Variants in NEB observed in about 807,000 individuals in gnomAD.
NEB encodes nemaline myopathy type 2.
A neutral mutation model predicts 952.2 loss-of-function variants in NEB; 512 were observed. That is an observed-to-expected ratio of 0.54 (90% CI 0.50 to 0.58). The LOEUF is 0.58. Among genes scored for constraint, NEB ranks in the 20% least tolerant of loss-of-function variants. NEB has a pLI of 0.00. For missense variants in NEB, 8,428 were observed against 9,231.1 expected (o/e 0.91, Z 3.56); for synonymous variants, 2,900 against 3,149.8 (o/e 0.92, Z 2.66).
In NEB at chr2:151,629,640, AT is replaced by A. The variant is rs757431297; in HGVS notation, c.9729del (p.Tyr3244ThrfsTer60). 1 of 1,613,202 alleles carries A rather than the reference AT, an allele frequency of 6.2e-7. No homozygotes were observed. Among genetic ancestry groups the A allele is most frequent in the South Asian group, 1.1e-5 (1 of 91,074 alleles). ...RQNKINYSET[L>X]YKLANEEAKK... ...TTTGCTTCTTCATTGGCAAGTTTGTATAGAGTCTATGAAAAGAAAGGCAAAG... is the reference window on the plus strand; with the variant it reads ...TTTGCTTCTTCATTGGCAAGTTTGTAAGAGTCTATGAAAAGAAAGGCAAAG... On this transcript the variant is annotated frameshift_variant, in exon 68 of 182. Coordinates refer to ENST00000397345, the MANE Select transcript of NEB (RefSeq NM_001164508.2). LOFTEE classifies it high-confidence loss of function.
chr2:151,525,130 G>A, intron 151 of NEB, 33 bp downstream of exon 151: 1 of 1,456,748 alleles, frequency 6.9e-7, no homozygotes, highest in South Asian at 1.1e-5. Context: ...TGCTTCAAAT[G>A]GGCCCCCAAG....
rs117356356 is a variant in NEB, at chr2:151,728,064, C to T, written c.79-158G>A. Reference sequence around the variant, plus strand: ...AAAGCAGGAAATGGCACACTGTAGCCGTATGAAGGCACATTATGTACACAA... The same window carrying T: ...AAAGCAGGAAATGGCACACTGTAGCTGTATGAAGGCACATTATGTACACAA... On this transcript the variant is annotated intron_variant, in intron 4 of 181. Coordinates refer to ENST00000397345, the MANE Select transcript of NEB (RefSeq NM_001164508.2). 3.8e-3 allele frequency among the ~76,000 whole-genome samples: 576 copies of T among 152,166 alleles called. 10 individuals are homozygous for T. In the East Asian group the frequency reaches 0.057, roughly 15 times the overall value.
At chr2:151,696,860 T>C (rs1352983952) in intron 16 of NEB, 125 bp from the exon 17 acceptor site, 1 of 710,262 alleles carries the variant, frequency 1.4e-6, no homozygotes, top group African/African-American at 1.8e-5. Context: ...TAAAATATAT[T>C]TTTTTCTAAC....
Position 151,618,584 on chromosome 2 carries a change from G to A in NEB, c.10873-106C>T, listed in dbSNP as rs571049718. 2,685 of 1,110,822 alleles carry A rather than the reference G, an allele frequency of 2.4e-3. 10 individuals carry two copies. Among genetic ancestry groups the A allele is most frequent in the South Asian group, 3.9e-3 (271 of 69,802 alleles). 68.8% of individuals were successfully genotyped at this position (1,110,822 alleles called of 1,614,324 possible). On this transcript the variant is annotated intron_variant, in intron 73 of 181. Coordinates refer to ENST00000397345, the MANE Select transcript of NEB (RefSeq NM_001164508.2). ...CACAAAAATACCGATGAATAGTTAAGGTTCCTAGCATAGTCATTCACTCAC... is the reference window on the plus strand; with the variant it reads ...CACAAAAATACCGATGAATAGTTAAAGTTCCTAGCATAGTCATTCACTCAC...
chr2:151,628,387 G>A (rs1034555435), intron 68 of NEB, among the ~76,000 whole-genome samples: 1 of 152,154 alleles, frequency 6.6e-6, no homozygotes, highest in Non-Finnish European at 1.5e-5. Context: ...CTCTGTTGGA[G>A]ATCAAATTTG....
chr2:151,668,777 T>A (rs1559046838), intron 39 of NEB, among the ~76,000 whole-genome samples: 1 of 152,088 alleles, frequency 6.6e-6, no homozygotes. Context: ...ATTTTTTTTT[T>A]AAATGGGACA....
At chr2:151,683,510 T>TTCC (rs2099447789) in intron 28 of NEB, among the ~76,000 whole-genome samples, 1 of 152,188 alleles carries the variant, frequency 6.6e-6, no homozygotes, top group Non-Finnish European at 1.5e-5. Flanking sequence ...AAGCATTTAG[T>TTCC]TCCTGCCTGT....
chr2:151,546,016 A>C lies in NEB; in HGVS notation c.20467-18T>G, dbSNP rs763198391. 7.1e-7 allele frequency: 1 copy of C among 1,403,584 alleles called. No homozygotes were observed. Among genetic ancestry groups the C allele is most frequent in the Non-Finnish European group, 9.9e-7 (1 of 1,015,122 alleles). The allele number at this position is 1,403,584 out of a possible 1,614,324, so 86.9% of individuals were successfully genotyped here. A position where few individuals can be genotyped will look rare whatever the true frequency, so the allele number is the denominator to read the frequency against. ...TAATTAGACTTAAAAAAAAAAAAAA[A>C]AACAGAAATACAAGTTGATTAATCA... On this transcript the variant is annotated intron_variant, in intron 134 of 181. Transcript: ENST00000397345.
Position 151,563,850 on chromosome 2 carries a change from G to A in NEB, c.18552C>T (p.Ala6184=), listed in dbSNP as rs572099716. ...CACTGTTCACCAGATCAGCATGCTTGGCTCCAACAATGGGAATGTAGCGCT... is the reference window on the plus strand; with the variant it reads ...CACTGTTCACCAGATCAGCATGCTTAGCTCCAACAATGGGAATGTAGCGCT... The part of the protein sequence containing the change: ...LDERYIPIVG[A]KHADLVNSEL... Residue 6184 remains alanine, a synonymous_variant, in exon 118 of 182, where the codon GCC becomes GCT. Transcript: ENST00000397345. The A allele has an allele frequency of 1.9e-6, 3 of 1,613,312 alleles. No individual in the cohort carries two copies. Among genetic ancestry groups the A allele is most frequent in the South Asian group, 2.2e-5 (2 of 91,036 alleles).
chr2:151,555,165 A>G (rs1314715652), intron 124 of NEB, 121 bp from the exon 125 acceptor site: 2 of 676,830 alleles, frequency 3.0e-6, no homozygotes, highest in Non-Finnish European at 5.2e-6. Flanking sequence ...GTTGGGGACA[A>G]CACTTCTCTG....
intron 27 of NEB, among the ~76,000 whole-genome samples, chr2:151,686,197 T>C (rs1304192959): frequency 6.6e-6 from 1 of 152,218 alleles, no homozygotes; most frequent in Admixed American, 6.5e-5. Context: ...AGCTGACACA[T>C]ACCAGTACAT....
intron 71 of NEB, among the ~76,000 whole-genome samples, chr2:151,623,838 G>GA (rs1250581731): frequency 2.6e-5 from 4 of 152,008 alleles, no homozygotes; most frequent in African/African-American, 4.8e-5. Context: ...GTATAAGTGG[G>GA]AAAAAATGTG....
chr2:151,507,143 C>T lies in NEB; in HGVS notation c.23452-130G>A, dbSNP rs74473884. 574 of 601,572 alleles carry T rather than the reference C, an allele frequency of 9.5e-4. 2 individuals carry two copies. The East Asian group carries it at 0.015, about 16-fold the overall frequency. 37.3% of individuals were successfully genotyped at this position (601,572 alleles called of 1,614,324 possible). On this transcript the variant is annotated intron_variant, in intron 162 of 181. Coordinates refer to ENST00000397345, the MANE Select transcript of NEB (RefSeq NM_001164508.2). ...AAAGTCTATGCACAATAATTATGGT[C>T]TGGTAGCCCAAGGGAAATTATTTGA... is the stretch of plus-strand genomic sequence containing the variant.
chr2:151,647,313 T>C (rs556772291), intron 54 of NEB, among the ~76,000 whole-genome samples: 142 of 151,860 alleles, frequency 9.4e-4, no homozygotes, highest in Non-Finnish European at 1.7e-3. Flanking sequence ...TTTCACCATG[T>C]TGGCCAGGCT....
rs2096547414 is a variant in NEB, at chr2:151,569,391, A to G, written c.17431-19T>C. The G allele has an allele frequency of 6.3e-7, 1 of 1,593,076 alleles. No individual in the cohort carries two copies. Among genetic ancestry groups the G allele is most frequent in the Admixed American group, 1.7e-5 (1 of 59,974 alleles). ...AAACATTCTGTGAAAACAGGGCCAG[A>G]ATGAGTTCAGCAACCCTGGTCATGT... On this transcript the variant is annotated intron_variant, in intron 109 of 181. Transcript: ENST00000397345.
chr2:151,543,767 A>G (rs1424143440), intron 135 of NEB, among the ~76,000 whole-genome samples: 1 of 152,212 alleles, frequency 6.6e-6, no homozygotes, highest in African/African-American at 2.4e-5. Context: ...GACAATAGGT[A>G]TGTACCACTG....
rs958829258 is a variant in NEB at position 151,641,764 on chromosome 2, T to A, written c.8373+810A>T. ...AAAGAAAAAAATCTAGAGTTTTTTT[T>A]ATTCATAGACAAAAGAAATGGAAAG... On this transcript the variant is annotated intron_variant, in intron 60 of 181. Coordinates refer to ENST00000397345, the MANE Select transcript of NEB (RefSeq NM_001164508.2). 3.9e-5 allele frequency among the ~76,000 whole-genome samples: 6 copies of A among 152,242 alleles called. No homozygotes were observed. The South Asian group carries it at 1.0e-3, about 26-fold the overall frequency.
intron 65 of NEB, among the ~76,000 whole-genome samples, chr2:151,632,020 T>A (rs1319719538): frequency 1.3e-5 from 2 of 152,162 alleles, no homozygotes; most frequent in East Asian, 3.9e-4. Context: ...TGTCCAAGAT[T>A]CAGGGCAATA....
chr2:151,714,117 C>G (rs1011148296), intron 10 of NEB, among the ~76,000 whole-genome samples: 7 of 152,146 alleles, frequency 4.6e-5, no homozygotes, highest in African/African-American at 1.4e-4. Context: ...CCTCCCACCC[C>G]CATCCTGTCT....
Sources: allele counts gnomAD v4.1 joint callset (sites outside exome capture counted in the v4.1 genomes callset), GRCh38; gene constraint gnomAD v4.1.1; transcripts MANE v1.5; gene names NCBI Gene and HGNC (gene_info 2026-07-23, HGNC 2026-07-21).